The following RBFOX1 variants were observed in gnomAD, a reference collection of about 807,000 sequenced individuals.
RBFOX1 encodes RNA binding fox-1 homolog 1.
Under a neutral mutation model 57.7 loss-of-function variants are expected in RBFOX1, and 8 were observed. That is an observed-to-expected ratio of 0.14 (90% CI 0.08 to 0.25). RBFOX1 has a LOEUF of 0.25. RBFOX1 is among the 10% of genes least tolerant of loss of function. The pLI, the probability that RBFOX1 is intolerant of heterozygous loss-of-function variation, is 1.00. For synonymous variants in RBFOX1, 326 were observed against 222.4 expected (o/e 1.47, Z -4.15); for missense variants, 611 against 548.5 (o/e 1.11, Z -1.14).
At chr16:7,019,680 C>G (rs1374628742) in intron 3 of RBFOX1, among the ~76,000 whole-genome samples, 2 of 151,984 alleles carry the variant, frequency 1.3e-5, no homozygotes, top group Non-Finnish European at 2.9e-5. Context: ...GTGACTTGGA[C>G]CAGAAAAAAA....
At chr16:7,252,607 T>C (rs576442421) in intron 4 of RBFOX1, among the ~76,000 whole-genome samples, 4 of 152,374 alleles carry the variant, frequency 2.6e-5, no homozygotes, top group African/African-American at 9.6e-5. Context: ...TGTTAAATGT[T>C]TTGGGTGTAG....
intron 2 of RBFOX1, among the ~76,000 whole-genome samples, chr16:6,501,845 C>T (rs1405567587): frequency 1.3e-5 from 2 of 152,194 alleles, no homozygotes; most frequent in South Asian, 2.1e-4. Context: ...TTGGTTTTCA[C>T]ACCCCTCTTA....
chr16:6,802,393 A>G (rs2085684511), intron 3 of RBFOX1, among the ~76,000 whole-genome samples: 1 of 152,054 alleles, frequency 6.6e-6, no homozygotes, highest in Non-Finnish European at 1.5e-5. Flanking sequence ...AGTCCATGTT[A>G]TGGCCTGGCG....
At chr16:7,499,983 G>C (rs2070149527) in intron 4 of RBFOX1, among the ~76,000 whole-genome samples, 1 of 151,948 alleles carries the variant, frequency 6.6e-6, no homozygotes, top group Non-Finnish European at 1.5e-5. Context: ...AAAACCCCTG[G>C]TTTTCCTTGA....
At chr16:7,130,212 T>C (rs562578476) in intron 4 of RBFOX1, among the ~76,000 whole-genome samples, 2 of 152,122 alleles carry the variant, frequency 1.3e-5, no homozygotes, top group South Asian at 4.2e-4. Context: ...TTTTGTATTT[T>C]TGGTAGAGGT....
chr16:5,720,368 G>C (rs143341636), intron 3 of RBFOX1, among the ~76,000 whole-genome samples: 1 of 152,256 alleles, frequency 6.6e-6, no homozygotes, highest in East Asian at 1.9e-4. Flanking sequence ...CCATTCTACA[G>C]GTTGTGTTTG....
chr16:7,427,043 T>A (rs2098625436), intron 4 of RBFOX1, among the ~76,000 whole-genome samples: 1 of 152,142 alleles, frequency 6.6e-6, no homozygotes, highest in Non-Finnish European at 1.5e-5. Context: ...GTGTTCTCAC[T>A]CATAGGTGGG....
intron 3 of RBFOX1, among the ~76,000 whole-genome samples, chr16:6,794,984 G>A (rs1202371795): frequency 6.6e-6 from 1 of 152,064 alleles, no homozygotes; most frequent in Non-Finnish European, 1.5e-5. Context: ...AACAGAGTGA[G>A]GGCTAAAATT....
At chr16:6,314,736 A>T (rs758792771) in intron 1 of RBFOX1, among the ~76,000 whole-genome samples, 2 of 152,132 alleles carry the variant, frequency 1.3e-5, no homozygotes, top group Non-Finnish European at 2.9e-5. Flanking sequence ...ATGCATGCAA[A>T]TTTTGATATG....
intron 11 of RBFOX1, 141 bp downstream of exon 11, chr16:7,630,824 G>A: frequency 1.4e-6 from 2 of 1,454,498 alleles, no homozygotes; most frequent in Non-Finnish European, 1.8e-6. Flanking sequence ...ATTTTCATAA[G>A]CATGTCTGTC....
At chr16:5,675,074 A>G (rs2050124666) in intron 3 of RBFOX1, among the ~76,000 whole-genome samples, 1 of 152,112 alleles carries the variant, frequency 6.6e-6, no homozygotes, top group Non-Finnish European at 1.5e-5. Flanking sequence ...CTTGAGCCCA[A>G]GAGGTCAAGG....
intron 1 of RBFOX1, among the ~76,000 whole-genome samples, chr16:6,247,951 T>C (rs2097578553): frequency 6.6e-6 from 1 of 152,148 alleles, no homozygotes; most frequent in Admixed American, 6.6e-5. Flanking sequence ...GATCATCCCA[T>C]ATTGAGGGAC....
At chr16:5,454,753 T>TCTTTCTTTC (rs758709989) in intron 1 of RBFOX1, among the ~76,000 whole-genome samples, 4,384 of 135,094 alleles carry the variant, frequency 0.032, 219 homozygotes, top group African/African-American at 0.085. Context: ...CTTTTTCTTT[T>TCTTTCTTTC]CTTTTCTTTC....
intron 1 of RBFOX1, among the ~76,000 whole-genome samples, chr16:6,223,231 G>C (rs1258369271): frequency 6.6e-6 from 1 of 151,198 alleles, no homozygotes; most frequent in Non-Finnish European, 1.5e-5. Flanking sequence ...TGGGATGGCT[G>C]GGTCAAATGG....
At chr16:5,377,232 G>A (rs921464517) in intron 1 of RBFOX1, among the ~76,000 whole-genome samples, 9 of 151,626 alleles carry the variant, frequency 5.9e-5, no homozygotes, top group African/African-American at 2.0e-4. Context: ...CGCACAGCAA[G>A]TATGTTCAGG....
intron 2 of RBFOX1, among the ~76,000 whole-genome samples, chr16:5,563,259 T>G (rs2045950093): frequency 6.6e-6 from 1 of 152,162 alleles, no homozygotes. Context: ...GAGGCTGTAT[T>G]ATTGTATTAT....
intron 3 of RBFOX1, among the ~76,000 whole-genome samples, chr16:6,880,800 A>G (rs775947493): frequency 1.5e-5 from 2 of 135,098 alleles, no homozygotes; most frequent in Non-Finnish European, 1.5e-5. Flanking sequence ...TATTTCTTAT[A>G]TTATTGAAAG....
intron 4 of RBFOX1, among the ~76,000 whole-genome samples, chr16:7,266,476 CTT>C (rs2095147551): frequency 6.6e-6 from 1 of 152,218 alleles, no homozygotes; most frequent in African/African-American, 2.4e-5. Flanking sequence ...AATTAAACCT[CTT>C]TTGTTTATAA....
intron 4 of RBFOX1, among the ~76,000 whole-genome samples, chr16:7,313,879 A>G (rs1023045791): frequency 1.3e-5 from 2 of 152,164 alleles, no homozygotes; most frequent in African/African-American, 2.4e-5. Flanking sequence ...TGTGCCGGCC[A>G]GTGGCTGGTT....
Sources: allele counts gnomAD v4.1 joint callset (sites outside exome capture counted in the v4.1 genomes callset), GRCh38; gene constraint gnomAD v4.1.1; transcripts MANE v1.5; gene names NCBI Gene and HGNC (gene_info 2026-07-23, HGNC 2026-07-21).